NCOA1: variants seen among roughly 807,000 people sequenced by gnomAD.
NCOA1 encodes the protein nuclear receptor coactivator 1.
NCOA1 carries 35 observed loss-of-function variants against 150.9 expected under a neutral mutation model. The observed-to-expected ratio is 0.23, with a 90% CI of 0.18 to 0.31. NCOA1 has a LOEUF of 0.31. NCOA1 is among the 10% of genes least tolerant of loss of function. The pLI, the probability that NCOA1 is intolerant of heterozygous loss-of-function variation, is 1.00. For synonymous variants in NCOA1, 590 were observed against 630.0 expected (o/e 0.94, Z 0.95); for missense variants, 1,491 against 1,749.3 (o/e 0.85, Z 2.63).
intron 14 of NCOA1, among the ~76,000 whole-genome samples, chr2:24,712,656 C>T (rs1008403993): frequency 6.6e-6 from 1 of 150,496 alleles, no homozygotes; most frequent in African/African-American, 2.4e-5. Context: ...ATAATGAATG[C>T]ATAAACCAAA....
chr2:24,643,001 C>T (rs1670300616), intron 3 of NCOA1, among the ~76,000 whole-genome samples: 1 of 152,172 alleles, frequency 6.6e-6, no homozygotes. Flanking sequence ...CAGCATGAAA[C>T]AATTCAGCTG....
At chr2:24,645,598 T>C (rs1162351866) in intron 4 of NCOA1, among the ~76,000 whole-genome samples, 1 of 152,146 alleles carries the variant, frequency 6.6e-6, no homozygotes, top group Non-Finnish European at 1.5e-5. Flanking sequence ...GATACATTTG[T>C]ATTTACACGT....
At chr2:24,764,134 C>T (rs528594315) in intron 22 of NCOA1, among the ~76,000 whole-genome samples, 4 of 152,212 alleles carry the variant, frequency 2.6e-5, no homozygotes, top group African/African-American at 9.6e-5. Context: ...ACCCTATGAA[C>T]GAGGTAGTAT....
In NCOA1 at chr2:24,524,308, G is replaced by A. The variant is rs908991008; in HGVS notation, c.-396+32706G>A. Among the ~76,000 whole-genome samples the A allele has an allele frequency of 2.6e-5, 4 of 151,890 alleles. No individual in the cohort carries two copies. In the East Asian group the frequency reaches 7.7e-4, roughly 29 times the overall value. On this transcript the variant is annotated intron_variant, in intron 1 of 22. Coordinates refer to ENST00000348332, the MANE Select transcript of NCOA1 (RefSeq NM_003743.5). ...ACTTACTTACTTTTTATTTTACTTT[G>A]TTTTTTAGACAGGGTCGCACTCTGT...
chr2:24,552,138 G>A (rs536391442), intron 1 of NCOA1, among the ~76,000 whole-genome samples: 1 of 150,926 alleles, frequency 6.6e-6, no homozygotes, highest in East Asian at 1.9e-4. Context: ...TGGTTTCTTT[G>A]CATTTTCATA....
At chr2:24,621,432 ATTTTTTTTTTTTTTTTTTTT>A (rs1162282258) in intron 3 of NCOA1, among the ~76,000 whole-genome samples, 2 of 38,860 alleles carry the variant, frequency 5.1e-5, no homozygotes, top group Non-Finnish European at 4.3e-5. Flanking sequence ...ATTCAGGCAG[ATTTTTTTTTTTTTTTTTTTT>A]TTTTTTTTTT....
chr2:24,700,909 A>T (rs1322587270), intron 11 of NCOA1, among the ~76,000 whole-genome samples: 1 of 152,242 alleles, frequency 6.6e-6, no homozygotes, highest in Non-Finnish European at 1.5e-5. Flanking sequence ...AATAACTATA[A>T]CTAGGAAATG....
At chr2:24,762,630 T>C in intron 21 of NCOA1, 57 bp from the exon 22 acceptor site, 1 of 1,442,428 alleles carries the variant, frequency 6.9e-7, no homozygotes, top group South Asian at 1.2e-5. Context: ...ATTGGAGAAT[T>C]TGGTTTTCAG....
At chr2:24,739,144 TTTTG>T (rs201479515) in intron 17 of NCOA1, among the ~76,000 whole-genome samples, 2,199 of 152,198 alleles carry the variant, frequency 0.014, 52 homozygotes, top group African/African-American at 0.051. Context: ...TTTTTTGTTG[TTTTG>T]TTTGTTTGTT....
chr2:24,639,916 G>GTATATA (rs67632791), intron 3 of NCOA1, among the ~76,000 whole-genome samples: 19 of 29,672 alleles, frequency 6.4e-4, no homozygotes, highest in Non-Finnish European at 1.1e-3. Flanking sequence ...ATGTGTGTGT[G>GTATATA]TATATATATA....
intron 10 of NCOA1, among the ~76,000 whole-genome samples, chr2:24,693,648 T>G (rs546971026): frequency 3.3e-5 from 5 of 152,290 alleles, no homozygotes; most frequent in African/African-American, 1.2e-4. Flanking sequence ...GATATAGATA[T>G]GTAAATATGT....
At chr2:24,561,357 A>C (rs1666285092) in intron 1 of NCOA1, among the ~76,000 whole-genome samples, 1 of 152,212 alleles carries the variant, frequency 6.6e-6, no homozygotes, top group African/African-American at 2.4e-5. Flanking sequence ...ATGAAAACCA[A>C]TAGACATAAC....
intron 5 of NCOA1, among the ~76,000 whole-genome samples, chr2:24,660,404 A>G (rs1002729226): frequency 2.0e-5 from 3 of 152,040 alleles, no homozygotes; most frequent in Non-Finnish European, 2.9e-5. Flanking sequence ...AAGTAATACA[A>G]TATTAACAAT....
At chr2:24,765,038 A>G (rs1040363656) in intron 22 of NCOA1, among the ~76,000 whole-genome samples, 11 of 152,138 alleles carry the variant, frequency 7.2e-5, no homozygotes, top group African/African-American at 2.7e-4. Flanking sequence ...TTAGCCAGGC[A>G]TGGTGGCGGG....
At chr2:24,727,741 A>G (rs1662770919) in intron 15 of NCOA1, among the ~76,000 whole-genome samples, 1 of 152,200 alleles carries the variant, frequency 6.6e-6, no homozygotes, top group Non-Finnish European at 1.5e-5. Flanking sequence ...CCTACATGTA[A>G]TCAGTGAATA....
At chr2:24,683,881 T>C (rs1360492977) in intron 8 of NCOA1, among the ~76,000 whole-genome samples, 1 of 152,230 alleles carries the variant, frequency 6.6e-6, no homozygotes, top group African/African-American at 2.4e-5. Flanking sequence ...AGTTTTCATA[T>C]TACATTTCAG....
chr2:24,497,751 C>T (rs1020891918), intron 1 of NCOA1, among the ~76,000 whole-genome samples: 1 of 152,054 alleles, frequency 6.6e-6, no homozygotes, highest in Non-Finnish European at 1.5e-5. Context: ...TGCTTCTATC[C>T]AGGTAAGGTT....
chr2:24,567,993 C>A (rs1247261334), intron 2 of NCOA1, among the ~76,000 whole-genome samples: 1 of 152,182 alleles, frequency 6.6e-6, no homozygotes, highest in Non-Finnish European at 1.5e-5. Flanking sequence ...ATCTGCCCAC[C>A]TTGGCCTCCC....
chr2:24,544,151 A>G (rs1215918745), intron 1 of NCOA1, among the ~76,000 whole-genome samples: 1 of 152,130 alleles, frequency 6.6e-6, no homozygotes, highest in Non-Finnish European at 1.5e-5. Context: ...TTTCTGGCTT[A>G]TGCAGATAGG....
Sources: allele counts gnomAD v4.1 joint callset (sites outside exome capture counted in the v4.1 genomes callset), GRCh38; gene constraint gnomAD v4.1.1; transcripts MANE v1.5; gene names NCBI Gene and HGNC (gene_info 2026-07-23, HGNC 2026-07-21).